Variants in THADA observed in about 807,000 individuals in gnomAD.
THADA encodes the protein THADA armadillo repeat containing.
Under a neutral mutation model 219.8 loss-of-function variants are expected in THADA, and 213 were observed. That is an observed-to-expected ratio of 0.97 (90% CI 0.87 to 1.09). The LOEUF is 1.09. THADA is among the 50% of genes least tolerant of loss of function. THADA has a pLI of 0.00. For synonymous variants in THADA, 1,018 were observed against 828.9 expected (o/e 1.23, Z -3.92); for missense variants, 2,956 against 2,311.3 (o/e 1.28, Z -5.72).
intron 15 of THADA, among the ~76,000 whole-genome samples, chr2:43,561,016 C>CAAAAAA (rs3042329): frequency 1.1e-4 from 10 of 92,312 alleles, no homozygotes; most frequent in Non-Finnish European, 1.6e-4. Context: ...GACTTGGTCT[C>CAAAAAA]AAAAAAAAAA....
At chr2:43,593,681 T>C (rs1200868355) in intron 1 of THADA, among the ~76,000 whole-genome samples, 1 of 150,272 alleles carries the variant, frequency 6.7e-6, no homozygotes, top group Non-Finnish European at 1.5e-5. Flanking sequence ...TCGCCCATGC[T>C]GGAGTGCAGT....
chr2:43,573,214 G>A (rs535389697), intron 11 of THADA, among the ~76,000 whole-genome samples: 10 of 152,022 alleles, frequency 6.6e-5, no homozygotes, highest in South Asian at 2.1e-4. Flanking sequence ...TTCTCTTATC[G>A]TTAACATAAA....
At chr2:43,247,024 C>A (rs1057414142) in intron 36 of THADA, among the ~76,000 whole-genome samples, 3 of 152,200 alleles carry the variant, frequency 2.0e-5, no homozygotes, top group African/African-American at 7.2e-5. Flanking sequence ...AGGAGGAATG[C>A]TCAAACTGTT....
At chr2:43,251,831 T>A (rs1405762088) in intron 36 of THADA, among the ~76,000 whole-genome samples, 1 of 152,256 alleles carries the variant, frequency 6.6e-6, no homozygotes, top group Non-Finnish European at 1.5e-5. Flanking sequence ...GGGAATAGTT[T>A]TTCTCAAAAG....
intron 36 of THADA, among the ~76,000 whole-genome samples, chr2:43,254,075 C>A (rs1290996174): frequency 6.6e-6 from 1 of 151,888 alleles, no homozygotes; most frequent in Non-Finnish European, 1.5e-5. Flanking sequence ...AGGTTCCAGG[C>A]CTATCCCTGA....
chr2:43,294,488 C>T (rs1675125532), intron 31 of THADA, among the ~76,000 whole-genome samples: 1 of 152,158 alleles, frequency 6.6e-6, no homozygotes, highest in South Asian at 2.1e-4. Context: ...CATCCCATAA[C>T]ACTGGAGCAT....
chr2:43,460,868 T>C (rs1683559510), intron 26 of THADA, among the ~76,000 whole-genome samples: 1 of 152,086 alleles, frequency 6.6e-6, no homozygotes, highest in African/African-American at 2.4e-5. Context: ...GTTGACAGAT[T>C]TGGAAAAGCA....
Position 43,498,861 on chromosome 2 carries a change from A to C in THADA, c.3716T>G (p.Ile1239Ser). ...PYVADGAKAAILGFTSPVWAV... is the reference protein window; with the variant it reads ...PYVADGAKAASLGFTSPVWAV... ...CCAGACCGGTGATGTAAAACCCAGA[A>C]TTGCAGCCTTAGCTCCATCAGCAAC... Residue 1239 changes from isoleucine (I) to serine (S), a missense_variant, in exon 25 of 38, where the codon ATT (isoleucine) becomes AGT (serine). Ile to Ser is a moderately radical substitution (Grantham distance 142). Coordinates refer to ENST00000405975, the MANE Select transcript of THADA (RefSeq NM_022065.5). The C allele has an allele frequency of 1.9e-6, 3 of 1,612,958 alleles. No individual in the cohort carries two copies. Among genetic ancestry groups the C allele is most frequent in the Non-Finnish European group, 2.5e-6 (3 of 1,179,526 alleles).
chr2:43,474,512 C>T (rs754791627), intron 26 of THADA, among the ~76,000 whole-genome samples: 5 of 152,196 alleles, frequency 3.3e-5, no homozygotes, highest in Admixed American at 6.5e-5. Context: ...AATGTCTGTA[C>T]TCCCCTTAGT....
chr2:43,308,301 A>T (rs543982347), intron 31 of THADA, among the ~76,000 whole-genome samples: 1 of 152,238 alleles, frequency 6.6e-6, no homozygotes, highest in African/African-American at 2.4e-5. Flanking sequence ...AAAAAAAAGA[A>T]TGAGCATCAG....
intron 35 of THADA, among the ~76,000 whole-genome samples, chr2:43,283,530 C>G (rs372070877): frequency 6.6e-6 from 1 of 152,330 alleles, no homozygotes. Flanking sequence ...GACTGAGGTG[C>G]TCTCAGATGC....
chr2:43,429,118 C>CT (rs1296962938), intron 27 of THADA, among the ~76,000 whole-genome samples: 1 of 148,934 alleles, frequency 6.7e-6, no homozygotes, highest in Non-Finnish European at 1.5e-5. Context: ...TTTTTTTTTT[C>CT]TTTTTTTGAG....
chr2:43,431,992 G>A (rs1186406658), intron 26 of THADA, among the ~76,000 whole-genome samples: 1 of 126,316 alleles, frequency 7.9e-6, no homozygotes, highest in East Asian at 2.0e-4. Flanking sequence ...AAGTAGCTGG[G>A]ACTACAGGCG....
chr2:43,287,677 G>A (rs187811459), intron 34 of THADA, among the ~76,000 whole-genome samples: 30 of 152,262 alleles, frequency 2.0e-4, no homozygotes, highest in African/African-American at 6.7e-4. Flanking sequence ...AACTTGTGGG[G>A]AAAGACTGTC....
intron 36 of THADA, among the ~76,000 whole-genome samples, chr2:43,235,292 G>T (rs1572708603): frequency 6.6e-6 from 1 of 151,300 alleles, no homozygotes; most frequent in Admixed American, 6.6e-5. Flanking sequence ...TCACTTTTTT[G>T]TTGTTGTTGT....
At chr2:43,514,677 T>A (rs1221698600) in intron 22 of THADA, among the ~76,000 whole-genome samples, 1 of 85,270 alleles carries the variant, frequency 1.2e-5, no homozygotes, top group Non-Finnish European at 2.0e-5. Flanking sequence ...ATATATAATA[T>A]ATTATATTAT....
intron 30 of THADA, among the ~76,000 whole-genome samples, chr2:43,336,409 C>T (rs1246555157): frequency 6.6e-6 from 1 of 151,932 alleles, no homozygotes; most frequent in Non-Finnish European, 1.5e-5. Flanking sequence ...GTAGCTGGGA[C>T]TACAGGTGCA....
chr2:43,231,406 A>ACCC, intron 37 of THADA, 63 bp from the exon 38 acceptor site: 1 of 1,436,596 alleles, frequency 7.0e-7, no homozygotes, highest in South Asian at 1.5e-5. Flanking sequence ...CCCAGTCCAG[A>ACCC]CCAAGCAGTA....
chr2:43,531,744 A>G (rs941226427), intron 21 of THADA, among the ~76,000 whole-genome samples: 6 of 152,192 alleles, frequency 3.9e-5, no homozygotes, highest in African/African-American at 1.4e-4. Flanking sequence ...ATTAGATACC[A>G]CTGAGTTTCT....
Sources: allele counts gnomAD v4.1 joint callset (sites outside exome capture counted in the v4.1 genomes callset), GRCh38; gene constraint gnomAD v4.1.1; transcripts MANE v1.5; gene names NCBI Gene and HGNC (gene_info 2026-07-23, HGNC 2026-07-21).